The following MYZAP variants were observed in gnomAD, a reference collection of about 807,000 sequenced individuals.
The protein encoded by MYZAP is GRINL1A complex locus upstream.
A neutral mutation model predicts 69.4 loss-of-function variants in MYZAP; 66 were observed. The observed-to-expected ratio is 0.95, with a 90% CI of 0.78 to 1.17. The LOEUF is 1.17. MYZAP is among the 50% of genes most tolerant of loss of function. The pLI, the probability that MYZAP is intolerant of heterozygous loss-of-function variation, is 0.00. For synonymous variants in MYZAP, 256 were observed against 205.9 expected (o/e 1.24, Z -2.09); for missense variants, 611 against 556.2 (o/e 1.10, Z -0.99).
chr15:57,660,745 T>C (rs1287117702), intron 10 of MYZAP, among the ~76,000 whole-genome samples: 1 of 152,216 alleles, frequency 6.6e-6, no homozygotes, highest in Non-Finnish European at 1.5e-5. Context: ...TGGTACAGAG[T>C]ACTCTGGTTC....
Position 57,616,822 on chromosome 15 carries a change from CTTTT to C in MYZAP, c.163-1189_163-1186del, listed in dbSNP as rs763856721. Among the ~76,000 whole-genome samples, 29 of 50,050 alleles carry C rather than the reference CTTTT, an allele frequency of 5.8e-4. No individual in the cohort carries two copies. The East Asian group carries it at 0.012, about 20-fold the overall frequency. 32.8% of individuals were successfully genotyped at this position (50,050 alleles called of 152,430 possible). A position where few individuals can be genotyped will look rare whatever the true frequency, so the allele number is the denominator to read the frequency against. On this transcript the variant is annotated intron_variant, in intron 2 of 12. Transcript: ENST00000267853. Reference sequence around the variant, plus strand: ...GAGACTCCATCTAAAAAAAAAAGTGCTTTTTTTTTTTTTTTTTTTTTTTTTGTGA... The same window carrying C: ...GAGACTCCATCTAAAAAAAAAAGTGCTTTTTTTTTTTTTTTTTTTTTGTGA...
chr15:57,653,436 A>G (rs1423413781), intron 10 of MYZAP, among the ~76,000 whole-genome samples: 2 of 152,226 alleles, frequency 1.3e-5, no homozygotes, highest in African/African-American at 2.4e-5. Flanking sequence ...AAAACAAAAT[A>G]AAACAAATTT....
intron 8 of MYZAP, among the ~76,000 whole-genome samples, chr15:57,636,615 G>A (rs2036833073): frequency 6.6e-6 from 1 of 152,178 alleles, no homozygotes; most frequent in African/African-American, 2.4e-5. Context: ...AGCGTTATTT[G>A]ATAAACTTGC....
intron 12 of MYZAP, among the ~76,000 whole-genome samples, chr15:57,681,274 CAT>C (rs2039426069): frequency 6.6e-6 from 1 of 152,206 alleles, no homozygotes; most frequent in Admixed American, 6.5e-5. Flanking sequence ...CACCAGGTCC[CAT>C]GGATTGCTCT....
intron 6 of MYZAP, among the ~76,000 whole-genome samples, chr15:57,630,877 G>T (rs1462429470): frequency 1.3e-5 from 2 of 152,322 alleles, no homozygotes; most frequent in East Asian, 3.9e-4. Context: ...GGAGTGAAAG[G>T]TGGTACTATT....
chr15:57,650,434 T>G (rs2037671792), intron 10 of MYZAP, among the ~76,000 whole-genome samples: 2 of 152,140 alleles, frequency 1.3e-5, no homozygotes, highest in African/African-American at 4.8e-5. Flanking sequence ...TTAAACTCAT[T>G]TGAACTTGAG....
rs775951630 is a variant in MYZAP, at chr15:57,639,539, C to T, written c.1113C>T (p.Val371=). 11 of 1,613,356 alleles carry T rather than the reference C, an allele frequency of 6.8e-6. No individual in the cohort carries two copies. Among genetic ancestry groups the T allele is most frequent in the Middle Eastern group, 1.7e-4 (1 of 6,024 alleles). The stretch of plus-strand genomic sequence containing the variant: ...AGCAGAAGAAAGTCAAGCAGATGGT[C>T]GAGGAGGTAAGCATCTGCAAAAGGT... ...HCQQKKVKQM[V]EEIESLKKKL... The change falls in exon 10 of 13, where the codon GTC becomes GTT. Residue 371 remains valine, a synonymous_variant. Coordinates refer to ENST00000267853, the MANE Select transcript of MYZAP (RefSeq NM_001018100.5).
Position 57,621,617 on chromosome 15 carries a change from A to G in MYZAP, c.328A>G (p.Thr110Ala). ...TCTTTGTGGGCTACAGGTGAGAGCC[A>G]CTTTGGAAAAGGTGAGAAAGCGAAT... is the stretch of plus-strand genomic sequence containing the variant. ...EMNYIKDVRA[T>A]LEKVRKRMYG... Residue 110 changes from threonine (T) to alanine (A), a missense_variant, in exon 4 of 13, where the codon ACT (threonine) becomes GCT (alanine). Coordinates refer to ENST00000267853, the MANE Select transcript of MYZAP (RefSeq NM_001018100.5). The G allele has an allele frequency of 6.2e-7, 1 of 1,613,704 alleles. No homozygotes were observed. Among genetic ancestry groups the G allele is most frequent in the Non-Finnish European group, 8.5e-7 (1 of 1,179,726 alleles).
intron 12 of MYZAP, among the ~76,000 whole-genome samples, chr15:57,683,178 T>C (rs1372294283): frequency 6.6e-6 from 1 of 152,136 alleles, no homozygotes; most frequent in Non-Finnish European, 1.5e-5. Flanking sequence ...GCTGTAGCTA[T>C]GGGCCCTGGT....
intron 11 of MYZAP, among the ~76,000 whole-genome samples, chr15:57,666,187 G>T (rs1271432088): frequency 6.6e-6 from 1 of 152,114 alleles, no homozygotes; most frequent in Non-Finnish European, 1.5e-5. Context: ...CAACAACCTG[G>T]ACTCGGTTAG....
rs750126404 is a variant in MYZAP at position 57,621,701 on chromosome 15, G to A, written c.411+1G>A. 3.7e-6 allele frequency: 6 copies of A among 1,613,520 alleles called. No homozygotes were observed. Among genetic ancestry groups the A allele is most frequent in the African/African-American group, 2.7e-5 (2 of 74,916 alleles). On this transcript the variant is annotated splice_donor_variant, in intron 4 of 12. Coordinates refer to ENST00000267853, the MANE Select transcript of MYZAP (RefSeq NM_001018100.5). LOFTEE classifies it high-confidence loss of function. The stretch of plus-strand genomic sequence containing the variant: ...TCGACAGCTCACCCAGGAACTATCA[G>A]TAAGTCATTATCTCAGTTGCTTGGA...
intron 10 of MYZAP, among the ~76,000 whole-genome samples, chr15:57,660,515 A>G (rs954506055): frequency 5.3e-5 from 8 of 151,832 alleles, no homozygotes; most frequent in Non-Finnish European, 8.8e-5. Flanking sequence ...GGGTCTCACT[A>G]TGTTGCCCAG....
At chr15:57,619,289 A>G (rs370756990) in intron 3 of MYZAP, among the ~76,000 whole-genome samples, 1 of 152,254 alleles carries the variant, frequency 6.6e-6, no homozygotes, top group Non-Finnish European at 1.5e-5. Flanking sequence ...TACATAATGT[A>G]TATGACAGCC....
chr15:57,615,407 A>T (rs1404380588), intron 2 of MYZAP, among the ~76,000 whole-genome samples: 1 of 152,152 alleles, frequency 6.6e-6, no homozygotes, highest in Non-Finnish European at 1.5e-5. Flanking sequence ...CACAGACTTC[A>T]TTGTTCCTGG....
At chr15:57,634,877 G>T (rs187900902) in intron 8 of MYZAP, among the ~76,000 whole-genome samples, 8 of 152,292 alleles carry the variant, frequency 5.3e-5, no homozygotes, top group East Asian at 1.9e-4. Flanking sequence ...TTGACCAGAG[G>T]GGGTGGTGGT....
chr15:57,618,120 C>T lies in MYZAP; in HGVS notation c.250C>T (p.Gln84Ter). ...GVVRRSDQNQ[Q>*]KEMVVYGWST... is the part of the protein sequence containing the mutation. Reference sequence around the variant, plus strand: ...GGTGCGAAGATCAGATCAAAATCAGCAGAAAGAAATGGTGGTGTATGGGTG... The same window carrying T: ...GGTGCGAAGATCAGATCAAAATCAGTAGAAAGAAATGGTGGTGTATGGGTG... Residue 84 changes from glutamine (Q) to a stop codon, truncating the protein, a stop_gained, in exon 3 of 13, where the codon CAG (glutamine) becomes TAG (stop). Transcript: ENST00000267853. LOFTEE classifies it high-confidence loss of function. 6 of 1,614,088 alleles carry T rather than the reference C, an allele frequency of 3.7e-6. No homozygotes were observed. Among genetic ancestry groups the T allele is most frequent in the Non-Finnish European group, 5.1e-6 (6 of 1,180,016 alleles).
intron 11 of MYZAP, among the ~76,000 whole-genome samples, chr15:57,666,647 A>G (rs1182345883): frequency 6.6e-6 from 1 of 152,106 alleles, no homozygotes; most frequent in Non-Finnish European, 1.5e-5. Flanking sequence ...CATGGGAACG[A>G]TAAACACTGG....
At chr15:57,672,727 T>C (rs999006299) in intron 11 of MYZAP, among the ~76,000 whole-genome samples, 1 of 152,224 alleles carries the variant, frequency 6.6e-6, no homozygotes, top group African/African-American at 2.4e-5. Context: ...TACACACCTG[T>C]GTAATGCAAT....
intron 8 of MYZAP, 135 bp downstream of exon 8, chr15:57,633,876 T>A (rs548999050): frequency 1.8e-6 from 2 of 1,088,830 alleles, no homozygotes; most frequent in Admixed American, 4.0e-5. Flanking sequence ...GACAAAGCTA[T>A]AAAATAAAGT....
Sources: allele counts gnomAD v4.1 joint callset (sites outside exome capture counted in the v4.1 genomes callset), GRCh38; gene constraint gnomAD v4.1.1; transcripts MANE v1.5; gene names NCBI Gene and HGNC (gene_info 2026-07-23, HGNC 2026-07-21).